CHRNA9: variants seen among roughly 807,000 people sequenced by gnomAD.
CHRNA9 encodes the protein neuronal acetylcholine receptor subunit alpha-9.
A neutral mutation model predicts 36.8 loss-of-function variants in CHRNA9; 24 were observed. The observed-to-expected ratio is 0.65, with a 90% CI of 0.47 to 0.92. The LOEUF (loss-of-function observed/expected upper bound fraction) is 0.92, where lower values mean the gene tolerates loss of function less well. CHRNA9 is among the 40% of genes least tolerant of loss of function. The pLI is 0.00. For missense variants in CHRNA9, 610 were observed against 601.2 expected (o/e 1.01, Z -0.15); for synonymous variants, 231 against 231.8 (o/e 1.00, Z 0.03).
chr4:40,348,152 T>C (rs941641070), intron 3 of CHRNA9: 1 of 152,306 alleles, frequency 6.6e-6, no homozygotes, highest in African/African-American at 2.4e-5. Context: ...AGGGTGAATC[T>C]GTTGGACCAA....
intron 3 of CHRNA9, among the ~76,000 whole-genome samples, chr4:40,347,068 C>A (rs1221867211): frequency 6.6e-6 from 1 of 152,172 alleles, no homozygotes; most frequent in Non-Finnish European, 1.5e-5. Context: ...CCACCTCGGC[C>A]TCCCAAAGTG....
intron 1 of CHRNA9, 100 bp downstream of exon 1, chr4:40,335,631 C>T (rs987501042): frequency 6.5e-6 from 7 of 1,069,014 alleles, no homozygotes; most frequent in East Asian, 4.7e-5. Flanking sequence ...ATGATTCAAC[C>T]GCATGGAAGT....
chr4:40,335,336 G>A lies in CHRNA9; in HGVS notation c.-132G>A, dbSNP rs1712281573. ...TCAGGATCTCGGTCCTGCATGCAAT[G>A]CAAGCCTGAGCTCTCCCGCCATAAG... On this transcript the variant is annotated 5_prime_UTR_variant, in exon 1 of 5. An upstream start codon of the reference 5' UTR is lost. Transcript: ENST00000310169. The A allele has an allele frequency of 1.4e-6, 1 of 715,810 alleles. No individual in the cohort carries two copies. Among genetic ancestry groups the A allele is most frequent in the Non-Finnish European group, 2.5e-6 (1 of 401,424 alleles). 44.3% of individuals were successfully genotyped at this position (715,810 alleles called of 1,614,324 possible). A position where few individuals can be genotyped will look rare whatever the true frequency, so the allele number is the denominator to read the frequency against.
rs1329322412 is a variant in CHRNA9, at chr4:40,336,103, A to C, written c.210+131A>C. 6 of 765,100 alleles carry C rather than the reference A, an allele frequency of 7.8e-6. No individual in the cohort carries two copies. In the African/African-American group the frequency reaches 8.7e-5, roughly 11 times the overall value. The allele number at this position is 765,100 out of a possible 1,614,324, so 47.4% of individuals were successfully genotyped here. A position where few individuals can be genotyped will look rare whatever the true frequency, so the allele number is the denominator to read the frequency against. On this transcript the variant is annotated intron_variant, in intron 2 of 4. Coordinates refer to ENST00000310169, the MANE Select transcript of CHRNA9 (RefSeq NM_017581.4). Reference sequence around the variant, plus strand: ...TCCTTAAGCAAGCTGGTGGGAGAAGAGAATGTCGGGAAAAGGAAGCTTTCT... The same window carrying C: ...TCCTTAAGCAAGCTGGTGGGAGAAGCGAATGTCGGGAAAAGGAAGCTTTCT...
intron 3 of CHRNA9, among the ~76,000 whole-genome samples, chr4:40,345,315 G>A (rs922893185): frequency 2.1e-4 from 32 of 152,246 alleles, no homozygotes; most frequent in Non-Finnish European, 2.5e-4. Flanking sequence ...ACTTTGGGAA[G>A]CCAAGGTAGG....
At chr4:40,343,493 G>GC (rs1712557577) in intron 3 of CHRNA9, among the ~76,000 whole-genome samples, 1 of 152,016 alleles carries the variant, frequency 6.6e-6, no homozygotes, top group African/African-American at 2.4e-5. Context: ...GAAAAAACCC[G>GC]CCCCCATGAT....
chr4:40,354,426 A>C lies in CHRNA9; in HGVS notation c.1346A>C (p.Lys449Thr), dbSNP rs564504462. The stretch of plus-strand genomic sequence containing the variant: ...ACCAATTCCAAGGGGAGTGAATGGA[A>C]GAAGGTGGCGAAAGTCATAGACCGA... ...KATNSKGSEW[K>T]KVAKVIDRFF... The change falls in exon 5 of 5, where the codon AAG becomes ACG. Residue 449 changes from lysine (K) to threonine (T), a missense_variant. By Grantham distance (78) the Lys-to-Thr change is moderately conservative (BLOSUM62 -1). Transcript: ENST00000310169. 2 of 1,614,136 alleles carry C rather than the reference A, an allele frequency of 1.2e-6. No homozygotes were observed.
chr4:40,339,279 C>CAAAA (rs61634062), intron 3 of CHRNA9, among the ~76,000 whole-genome samples: 90 of 71,104 alleles, frequency 1.3e-3, no homozygotes, highest in Non-Finnish European at 1.3e-3. Flanking sequence ...GACTCCATCT[C>CAAAA]AAAAAAAAAA....
intron 3 of CHRNA9, among the ~76,000 whole-genome samples, chr4:40,339,816 C>T (rs566974767): frequency 6.0e-5 from 9 of 150,790 alleles, no homozygotes; most frequent in African/African-American, 2.0e-4. Flanking sequence ...GTGCATGCCA[C>T]CATGCCTAGT....
At position 40,348,960 on chromosome 4, in the gene CHRNA9, G is replaced by A. The variant is rs80185770; in HGVS notation, c.444G>A (p.Pro148=). 1.7e-3 allele frequency: 2,797 copies of A among 1,614,106 alleles called. 39 individuals carry two copies. The South Asian group carries it at 0.018, about 11-fold the overall frequency. ...ATGGGCTGATCACCTGGGATGCACCGGCCATCACCAAAAGCTCCTGTGTGG... is the reference window on the plus strand; with the variant it reads ...ATGGGCTGATCACCTGGGATGCACCAGCCATCACCAAAAGCTCCTGTGTGG... ...RYDGLITWDA[P]AITKSSCVVD... Residue 148 remains proline (P), a synonymous_variant, in exon 4 of 5, where the codon CCG becomes CCA. Coordinates refer to ENST00000310169, the MANE Select transcript of CHRNA9 (RefSeq NM_017581.4).
At chr4:40,352,288 C>T (rs1712823051) in intron 4 of CHRNA9, among the ~76,000 whole-genome samples, 1 of 152,226 alleles carries the variant, frequency 6.6e-6, no homozygotes. Flanking sequence ...GTGGTGTAAT[C>T]TCAGCTCACT....
At chr4:40,337,170 G>C in intron 2 of CHRNA9, 40 bp from the exon 3 acceptor site, 1 of 1,596,536 alleles carries the variant, frequency 6.3e-7, no homozygotes, top group Non-Finnish European at 8.6e-7. Context: ...AACATTTCAA[G>C]TGTCTGCTAG....
chr4:40,341,518 T>G (rs975686296), intron 3 of CHRNA9, among the ~76,000 whole-genome samples: 22 of 152,114 alleles, frequency 1.4e-4, no homozygotes, highest in African/African-American at 5.3e-4. Flanking sequence ...GTAGGTCACA[T>G]CTTCATTTGC....
intron 3 of CHRNA9, among the ~76,000 whole-genome samples, chr4:40,347,214 C>T (rs1198828704): frequency 2.0e-5 from 3 of 152,190 alleles, no homozygotes; most frequent in African/African-American, 7.2e-5. Context: ...TGCTTGTCAC[C>T]GAGTAGTGTA....
At chr4:40,344,498 C>T (rs936516483) in intron 3 of CHRNA9, among the ~76,000 whole-genome samples, 9 of 150,788 alleles carry the variant, frequency 6.0e-5, no homozygotes, top group African/African-American at 2.2e-4. Flanking sequence ...GGCACCACTG[C>T]ACCCCAGCCT....
At chr4:40,351,822 C>G (rs1712812715) in intron 4 of CHRNA9, among the ~76,000 whole-genome samples, 1 of 152,172 alleles carries the variant, frequency 6.6e-6, no homozygotes, top group Non-Finnish European at 1.5e-5. Flanking sequence ...ATAACTGGAC[C>G]AAACTCCTTT....
rs1165474451 is a variant in CHRNA9, at chr4:40,349,320, G to T, written c.804G>T (p.Lys268Asn). The T allele has an allele frequency of 1.2e-6, 2 of 1,613,950 alleles. No individual in the cohort carries two copies. Among genetic ancestry groups the T allele is most frequent in the Non-Finnish European group, 1.7e-6 (2 of 1,179,992 alleles). The change falls in exon 4 of 5, where the codon AAG becomes AAT. Residue 268 changes from lysine to asparagine, a missense_variant. Lys to Asn is a moderately conservative substitution (Grantham distance 94). Transcript: ENST00000310169. ...SFYLPAASGE[K>N]VSLGVTILLA... Reference sequence around the variant, plus strand: ...ATCTCCCAGCAGCCTCCGGAGAAAAGGTCTCCCTGGGAGTGACCATCCTGT... The same window carrying T: ...ATCTCCCAGCAGCCTCCGGAGAAAATGTCTCCCTGGGAGTGACCATCCTGT...
Position 40,354,649 on chromosome 4 carries a change from C to A in CHRNA9, c.*129C>A. ...TGTTGTCTGTGCTTTTTATTTTTAG[C>A]TTCAAATGAATGTCGAAGCTATCTG... is the stretch of plus-strand genomic sequence containing the variant. On this transcript the variant is annotated 3_prime_UTR_variant, in exon 5 of 5. Coordinates refer to ENST00000310169, the MANE Select transcript of CHRNA9 (RefSeq NM_017581.4). 1.2e-6 allele frequency: 1 copy of A among 800,670 alleles called. No homozygotes were observed. Among genetic ancestry groups the A allele is most frequent in the Non-Finnish European group, 2.0e-6 (1 of 501,494 alleles). The allele number at this position is 800,670 out of a possible 1,614,324, so 49.6% of individuals were successfully genotyped here. A position where few individuals can be genotyped will look rare whatever the true frequency, so the allele number is the denominator to read the frequency against.
At chr4:40,353,583 G>A (rs897782416) in intron 4 of CHRNA9, among the ~76,000 whole-genome samples, 2 of 152,062 alleles carry the variant, frequency 1.3e-5, no homozygotes, top group Non-Finnish European at 2.9e-5. Flanking sequence ...ACACAGTCAT[G>A]TGCCTCATAA....
Sources: allele counts gnomAD v4.1 joint callset (sites outside exome capture counted in the v4.1 genomes callset), GRCh38; gene constraint gnomAD v4.1.1; transcripts MANE v1.5; gene names NCBI Gene and HGNC (gene_info 2026-07-23, HGNC 2026-07-21).